CCDC88C: variants seen among roughly 807,000 people sequenced by gnomAD.
CCDC88C encodes coiled-coil and HOOK domain protein 88C, also known as protein Daple.
CCDC88C carries 131 observed loss-of-function variants against 198.8 expected under a neutral mutation model. The observed-to-expected ratio is 0.66, with a 90% CI of 0.57 to 0.76. CCDC88C has a LOEUF of 0.76. CCDC88C is among the 30% of genes least tolerant of loss of function. The pLI, the probability that CCDC88C is intolerant of heterozygous loss-of-function variation, is 0.00. For missense variants in CCDC88C, 2,553 were observed against 2,631.6 expected (o/e 0.97, Z 0.65); for synonymous variants, 1,166 against 1,114.7 (o/e 1.05, Z -0.92).
At chr14:91,388,097 A>T (rs576007559) in intron 3 of CCDC88C, among the ~76,000 whole-genome samples, 2 of 152,302 alleles carry the variant, frequency 1.3e-5, no homozygotes, top group African/African-American at 4.8e-5. Context: ...ACACACCATC[A>T]GGACTTGCTC....
chr14:91,294,537 G>A (rs537323371), intron 22 of CCDC88C, among the ~76,000 whole-genome samples: 20 of 152,350 alleles, frequency 1.3e-4, no homozygotes, highest in Admixed American at 1.2e-3. Context: ...CTGGCAACAT[G>A]GCTACTGAGC....
intron 2 of CCDC88C, among the ~76,000 whole-genome samples, chr14:91,416,183 C>G (rs969262616): frequency 1.3e-5 from 2 of 152,208 alleles, no homozygotes; most frequent in Admixed American, 1.3e-4. Context: ...TCCAAACAAA[C>G]AGCACCATGG....
chr14:91,334,806 C>T (rs533671323), intron 10 of CCDC88C, among the ~76,000 whole-genome samples: 35 of 152,244 alleles, frequency 2.3e-4, no homozygotes, highest in African/African-American at 5.8e-4. Flanking sequence ...CATCTGCCAC[C>T]GGGGGCAAGG....
At chr14:91,412,432 ATTTT>A (rs1886836982) in intron 2 of CCDC88C, among the ~76,000 whole-genome samples, 1 of 105,428 alleles carries the variant, frequency 9.5e-6, no homozygotes, top group Non-Finnish European at 1.8e-5. Context: ...TAGTTTGTGT[ATTTT>A]TTTCTTTTTT....
rs763665401 is a variant in CCDC88C at position 91,279,268 on chromosome 14, A to T, written c.4738T>A (p.Ser1580Thr). The T allele has an allele frequency of 1.2e-6, 2 of 1,602,728 alleles. No individual in the cohort carries two copies. Among genetic ancestry groups the T allele is most frequent in the Admixed American group, 3.4e-5 (2 of 58,660 alleles). The change falls in exon 28 of 30, where the codon TCC (serine) becomes ACC (threonine). Residue 1580 changes from serine (S) to threonine (T), a missense_variant. Physicochemically the swap from Ser to Thr is moderately conservative, Grantham distance 58. Around this residue, in one of 2 missense-constraint regions of CCDC88C, gnomAD observed 1,293 missense variants for 1,219.6 expected, o/e 1.06. Transcript: ENST00000389857. Reference sequence around the variant, plus strand: ...AGGTTAAGAGGTGAGCTGTTGCTGGATGTGTTTCTACTGCTCTCTAAGCTA... The same window carrying T: ...AGGTTAAGAGGTGAGCTGTTGCTGGTTGTGTTTCTACTGCTCTCTAAGCTA... The part of the protein sequence containing the change: ...PSSLESSRNT[S>T]SNSSPLNLKG...
intron 3 of CCDC88C, among the ~76,000 whole-genome samples, chr14:91,362,071 T>C (rs528169579): frequency 1.3e-5 from 2 of 152,078 alleles, no homozygotes; most frequent in Admixed American, 1.3e-4. Context: ...CTGTCTCTAC[T>C]AAAAATACAA....
intron 3 of CCDC88C, among the ~76,000 whole-genome samples, chr14:91,369,379 G>A (rs888354699): frequency 2.0e-5 from 3 of 152,172 alleles, no homozygotes; most frequent in African/African-American, 7.2e-5. Flanking sequence ...GCTAATTTTC[G>A]TATTTTTGTA....
intron 3 of CCDC88C, among the ~76,000 whole-genome samples, chr14:91,389,789 T>C (rs1177321216): frequency 1.3e-5 from 2 of 151,362 alleles, no homozygotes; most frequent in Admixed American, 6.6e-5. Flanking sequence ...AAGCTTTTTC[T>C]TGGCCAGGCG....
In CCDC88C at chr14:91,281,566, A is replaced by G. The variant is rs376705157; in HGVS notation, c.4631-41T>C. 6.1e-5 allele frequency: 98 copies of G among 1,594,484 alleles called. 1 individual carries two copies. The East Asian group carries it at 6.9e-4, about 11-fold the overall frequency. ...GGCTAGTGAGTCATGGTTACGGAAC[A>G]TGCCTCATCCACAGGGAACCCCGCC... On this transcript the variant is annotated intron_variant, in intron 26 of 29. Coordinates refer to ENST00000389857, the MANE Select transcript of CCDC88C (RefSeq NM_001080414.4).
intron 29 of CCDC88C, 98 bp downstream of exon 29, chr14:91,277,824 C>T (rs544946407): frequency 3.3e-5 from 45 of 1,366,198 alleles, no homozygotes; most frequent in Non-Finnish European, 3.7e-5. Context: ...GCCTAGGCCA[C>T]GCCACCCCCA....
chr14:91,312,320 G>A (rs1891865553), intron 15 of CCDC88C, among the ~76,000 whole-genome samples: 1 of 152,114 alleles, frequency 6.6e-6, no homozygotes, highest in African/African-American at 2.4e-5. Flanking sequence ...CCCAGGAGGT[G>A]GAGCCTGCAG....
chr14:91,318,573 T>C (rs1035616020), intron 13 of CCDC88C, among the ~76,000 whole-genome samples: 2 of 152,104 alleles, frequency 1.3e-5, no homozygotes, highest in East Asian at 1.9e-4. Flanking sequence ...AGGAGCCTCG[T>C]AGAAGTCCCA....
In CCDC88C at chr14:91,408,714, T is replaced by G. The variant is rs1339303051; in HGVS notation, c.215A>C (p.Asn72Thr). 4 of 1,613,808 alleles carry G rather than the reference T, an allele frequency of 2.5e-6. No individual in the cohort carries two copies. ...RINKHVNNDV[N>T]LRIQNLTILV... ...GATGGTCAAATTCTGAATGCGAAGG[T>G]TCACATCATTGTTGACGTGCTTATT... Residue 72 changes from asparagine (N) to threonine (T), a missense_variant, in exon 3 of 30, where the codon AAC becomes ACC. By Grantham distance (65) the Asn-to-Thr change is moderately conservative. Around this residue, in one of 2 missense-constraint regions of CCDC88C, gnomAD observed 1,260 missense variants for 1,412.0 expected, o/e 0.89. Coordinates refer to ENST00000389857, the MANE Select transcript of CCDC88C (RefSeq NM_001080414.4).
chr14:91,323,523 ACT>A, intron 12 of CCDC88C, among the ~76,000 whole-genome samples: 1 of 152,034 alleles, frequency 6.6e-6, no homozygotes, highest in Non-Finnish European at 1.5e-5. Context: ...TGCCCCATAC[ACT>A]CAGGCTTTGC....
Position 91,336,847 on chromosome 14 carries a change from A to G in CCDC88C, c.1050+1158T>C, listed in dbSNP as rs1285781. ...CTCCAGGGCCCGGCTGCAGCACAGAACACGTAGAGATCCTGGGCTCACAGC... is the reference window on the plus strand; with the variant it reads ...CTCCAGGGCCCGGCTGCAGCACAGAGCACGTAGAGATCCTGGGCTCACAGC... On this transcript the variant is annotated intron_variant, in intron 10 of 29. Transcript: ENST00000389857. 9.0e-3 allele frequency among the ~76,000 whole-genome samples: 1,370 copies of G among 152,334 alleles called. 24 individuals are homozygous for G. The highest frequency in any genetic ancestry group is 0.022 in the East Asian group (114 of 5,190).
intron 13 of CCDC88C, among the ~76,000 whole-genome samples, chr14:91,316,176 C>T (rs78847300): frequency 0.018 from 2,794 of 152,252 alleles, 98 homozygotes; most frequent in African/African-American, 0.064. Context: ...CTTCCTCTTT[C>T]ACCTCCATGG....
At chr14:91,336,832 C>T (rs543402132) in intron 10 of CCDC88C, among the ~76,000 whole-genome samples, 1 of 152,354 alleles carries the variant, frequency 6.6e-6, no homozygotes, top group South Asian at 2.1e-4. Context: ...CTCCAGGGCC[C>T]GGCTGCAGCA....
In CCDC88C at chr14:91,314,068, G is replaced by A. The variant is rs144963042; in HGVS notation, c.1748C>T (p.Ala583Val). The A allele has an allele frequency of 1.1e-4, 170 of 1,613,864 alleles. No individual in the cohort carries two copies. In the East Asian group the frequency reaches 3.7e-3, roughly 35 times the overall value. The change falls in exon 15 of 30, where the codon GCC (alanine) becomes GTC (valine). Residue 583 changes from alanine (A) to valine (V), a missense_variant. Ala to Val is a moderately conservative substitution (Grantham distance 64, BLOSUM62 0). This residue lies in a region of CCDC88C where 1,260 missense variants were observed against 1,412.0 expected (regional missense o/e 0.89). Transcript: ENST00000389857. ...CTCCTTCTCCACGTCTTTCATGCGG[G>A]CCTCACTGCTGACCTGCGACCTCTC... is the stretch of plus-strand genomic sequence containing the variant. Reference protein sequence around the residue: ...LRERSQVSSEARMKDVEKENK... With the variant: ...LRERSQVSSEVRMKDVEKENK...
chr14:91,366,876 TAAC>T (rs1894565897), intron 3 of CCDC88C, among the ~76,000 whole-genome samples: 1 of 152,154 alleles, frequency 6.6e-6, no homozygotes, highest in Non-Finnish European at 1.5e-5. Flanking sequence ...TGAAAAGACT[TAAC>T]AACCTGCCAG....
Sources: allele counts gnomAD v4.1 joint callset (sites outside exome capture counted in the v4.1 genomes callset), GRCh38; gene constraint gnomAD v4.1.1; regional missense constraint gnomAD v4.1.1; transcripts MANE v1.5; gene names NCBI Gene and HGNC (gene_info 2026-07-23, HGNC 2026-07-21).